Variants in MYOCOS observed in about 807,000 individuals in gnomAD.
The protein encoded by MYOCOS is myocilin opposite strand.
chr1:171,626,868 A>G lies in MYOCOS; in HGVS notation c.*267A>G, dbSNP rs1042989126. The stretch of plus-strand genomic sequence containing the variant: ...TGTTGCTGTAGTCAGTTGTATTTAA[A>G]TTAATAAACAGTTATCAGGCCTTGT... On this transcript the variant is annotated 3_prime_UTR_variant, in exon 3 of 3. Coordinates refer to ENST00000637642, the MANE Select transcript of MYOCOS (RefSeq NM_001391940.1). The G allele has an allele frequency of 3.5e-6, 1 of 282,506 alleles. No individual in the cohort carries two copies. The highest frequency in any genetic ancestry group is 6.5e-6 in the Non-Finnish European group (1 of 153,932). 17.5% of individuals were successfully genotyped at this position (282,506 alleles called of 1,614,324 possible).
At chr1:171,607,184 C>G (rs997318334) in intron 1 of MYOCOS, among the ~76,000 whole-genome samples, 1 of 151,226 alleles carries the variant, frequency 6.6e-6, no homozygotes, top group Non-Finnish European at 1.5e-5. Context: ...ATTCTATCTT[C>G]CTTGCAGAGT....
intron 1 of MYOCOS, among the ~76,000 whole-genome samples, chr1:171,607,594 A>T (rs1187443166): frequency 6.6e-6 from 1 of 152,164 alleles, no homozygotes. Flanking sequence ...ATCCTTTCTT[A>T]TTCTATGATT....
At chr1:171,606,287 A>G (rs551472485) in intron 1 of MYOCOS, among the ~76,000 whole-genome samples, 7 of 152,360 alleles carry the variant, frequency 4.6e-5, no homozygotes, top group African/African-American at 1.7e-4. Flanking sequence ...ACAAAAAGAC[A>G]TAAGTAGCAA....
chr1:171,621,324 C>T (rs1042851366), upstream of MYOCOS, among the ~76,000 whole-genome samples: 3 of 150,488 alleles, frequency 2.0e-5, no homozygotes, highest in South Asian at 2.1e-4. Flanking sequence ...TTTTTAATCC[C>T]AGCTTCATTA....
intron 1 of MYOCOS, among the ~76,000 whole-genome samples, chr1:171,612,542 G>A (rs967654593): frequency 1.3e-5 from 2 of 151,830 alleles, no homozygotes; most frequent in East Asian, 3.9e-4. Context: ...AAACTAATGT[G>A]TGTCCAGGCA....
intron 1 of MYOCOS, among the ~76,000 whole-genome samples, chr1:171,614,208 A>C (rs1373653062): frequency 2.0e-5 from 3 of 152,194 alleles, no homozygotes; most frequent in Non-Finnish European, 4.4e-5. Context: ...CCAGTGCCAA[A>C]AGTCTTTTTA....
intron 1 of MYOCOS, chr1:171,604,497 C>G (rs1241473553): frequency 1.3e-5 from 2 of 152,172 alleles, no homozygotes; most frequent in African/African-American, 4.8e-5. Context: ...CAGGAAGTGA[C>G]CAGCCCGATG....
intron 2 of MYOCOS, among the ~76,000 whole-genome samples, chr1:171,624,587 C>G (rs879814430): frequency 6.6e-6 from 1 of 152,008 alleles, no homozygotes; most frequent in Non-Finnish European, 1.5e-5. Flanking sequence ...CAGGCGCCCG[C>G]CACGACGCCC....
intron 2 of MYOCOS, among the ~76,000 whole-genome samples, chr1:171,624,280 TG>T (rs1445630860): frequency 1.3e-5 from 2 of 152,174 alleles, no homozygotes; most frequent in African/African-American, 4.8e-5. Flanking sequence ...TTTGTTTTTT[TG>T]AGACAGGGTC....
chr1:171,609,566 C>T (rs1300113162), intron 1 of MYOCOS, among the ~76,000 whole-genome samples: 1 of 152,240 alleles, frequency 6.6e-6, no homozygotes, highest in Admixed American at 6.5e-5. Context: ...CTTATTTCCA[C>T]ACTTAGTTCC....
At chr1:171,609,212 A>T (rs1008608016) in intron 1 of MYOCOS, among the ~76,000 whole-genome samples, 1 of 152,202 alleles carries the variant, frequency 6.6e-6, no homozygotes, top group South Asian at 2.1e-4. Context: ...TGGAAGCTAC[A>T]CTTGTTTATT....
At chr1:171,614,552 C>A (rs1011734087) in intron 1 of MYOCOS, among the ~76,000 whole-genome samples, 1 of 152,178 alleles carries the variant, frequency 6.6e-6, no homozygotes, top group Non-Finnish European at 1.5e-5. Flanking sequence ...TAGCCTTTAT[C>A]TCTTAGGAGA....
chr1:171,626,613 T>C lies in MYOCOS; in HGVS notation c.*12T>C. The C allele has an allele frequency of 2.5e-6, 1 of 398,564 alleles. No individual in the cohort carries two copies. The allele number at this position is 398,564 out of a possible 1,614,324, so 24.7% of individuals were successfully genotyped here. A position where few individuals can be genotyped will look rare whatever the true frequency, so the allele number is the denominator to read the frequency against. ...CCACGGTCTCCTAAGATGTAAAACTTATTTTGAAGTGAATTCTTACACAGA... is the reference window on the plus strand; with the variant it reads ...CCACGGTCTCCTAAGATGTAAAACTCATTTTGAAGTGAATTCTTACACAGA... On this transcript the variant is annotated 3_prime_UTR_variant, in exon 3 of 3. Coordinates refer to ENST00000637642, the MANE Select transcript of MYOCOS (RefSeq NM_001391940.1).
chr1:171,602,940 T>C (rs998287033), intron 1 of MYOCOS, among the ~76,000 whole-genome samples: 1 of 152,218 alleles, frequency 6.6e-6, no homozygotes, highest in Non-Finnish European at 1.5e-5. Context: ...CTGCACGTTA[T>C]AAAAAGCAAT....
At chr1:171,623,187 A>G (rs1046046040) in intron 1 of MYOCOS, among the ~76,000 whole-genome samples, 3 of 151,948 alleles carry the variant, frequency 2.0e-5, no homozygotes, top group Non-Finnish European at 4.4e-5. Context: ...ACAGAGCCAG[A>G]CCCTGTTTCA....
upstream of MYOCOS, among the ~76,000 whole-genome samples, chr1:171,621,524 C>T (rs546782346): frequency 1.3e-5 from 2 of 151,846 alleles, no homozygotes; most frequent in African/African-American, 4.8e-5. Context: ...TACAGGCACC[C>T]GCCACCACGC....
chr1:171,622,880 G>A lies in MYOCOS; in HGVS notation c.-44+548G>A, dbSNP rs534537573. On this transcript the variant is annotated intron_variant, in intron 1 of 2. Coordinates refer to ENST00000637642, the MANE Select transcript of MYOCOS (RefSeq NM_001391940.1). ...TCTCTACTGCTCAGTTTCCCCATTC[G>A]TTGAATGAGGATCATAATACTTACC... 2.6e-5 allele frequency among the ~76,000 whole-genome samples: 4 copies of A among 152,240 alleles called. No homozygotes were observed. In the South Asian group the frequency reaches 8.3e-4, roughly 32 times the overall value.
chr1:171,624,547 C>A (rs1652653861), intron 2 of MYOCOS, among the ~76,000 whole-genome samples: 1 of 152,074 alleles, frequency 6.6e-6, no homozygotes, highest in Admixed American at 6.5e-5. Flanking sequence ...CGGCATTCTC[C>A]CACCTCAGCC....
chr1:171,623,210 G>T (rs530192759), intron 1 of MYOCOS, among the ~76,000 whole-genome samples: 1 of 152,068 alleles, frequency 6.6e-6, no homozygotes, highest in Non-Finnish European at 1.5e-5. Context: ...AAGAAAAGGG[G>T]GTGGGGGGCA....
Sources: gnomAD v4.1 joint callset for allele counts (sites outside exome capture counted in the v4.1 genomes callset) on GRCh38, gnomAD v4.1.1 for gene constraint, MANE v1.5 for transcripts, NCBI Gene and HGNC (gene_info 2026-07-23, HGNC 2026-07-21) for gene names.